OCIAD1: variants seen among roughly 807,000 people sequenced by gnomAD.
The protein encoded by OCIAD1 is OCIA domain-containing protein 1.
Under a neutral mutation model 38.9 loss-of-function variants are expected in OCIAD1, and 29 were observed. The observed-to-expected ratio is 0.74, with a 90% CI of 0.55 to 1.02. The LOEUF (loss-of-function observed/expected upper bound fraction) is 1.02, where lower values mean the gene tolerates loss of function less well. Ranked by LOEUF, OCIAD1 falls within the 50% of genes least tolerant of loss-of-function variation. The pLI is 0.00. For synonymous variants in OCIAD1, 110 were observed against 92.0 expected (o/e 1.20, Z -1.12); for missense variants, 288 against 289.6 (o/e 0.99, Z 0.04).
In OCIAD1 at chr4:48,832,691, C is replaced by A. The variant is rs754611198; in HGVS notation, c.58+9C>A. The A allele has an allele frequency of 4.4e-6, 7 of 1,598,758 alleles. No homozygotes were observed. The African/African-American group carries it at 6.7e-5, about 15-fold the overall frequency. ...TCCAAGACCAATTCCCCGTAACTAT[C>A]TATTAAGTATTTATAATTAGAAGCA... is the stretch of plus-strand genomic sequence containing the variant. On this transcript the variant is annotated intron_variant, in intron 2 of 8. Coordinates refer to ENST00000264312, the MANE Select transcript of OCIAD1 (RefSeq NM_017830.4).
intron 7 of OCIAD1, among the ~76,000 whole-genome samples, chr4:48,853,383 A>G (rs1335793906): frequency 6.6e-6 from 1 of 152,206 alleles, no homozygotes; most frequent in Non-Finnish European, 1.5e-5. Flanking sequence ...GATGGATATT[A>G]AGTAATATAA....
At chr4:48,840,208 G>C (rs1328389517) in intron 3 of OCIAD1, among the ~76,000 whole-genome samples, 1 of 152,212 alleles carries the variant, frequency 6.6e-6, no homozygotes, top group East Asian at 1.9e-4. Flanking sequence ...CTATTACTCT[G>C]CATTAAATGG....
chr4:48,860,884 G>T lies in OCIAD1; in HGVS notation c.*122G>T, dbSNP rs2109642268. ...AAACACATTTAAAACAAGATCCTGG[G>T]TTTTTGTGGTTTGACTTCTATGGTG... On this transcript the variant is annotated 3_prime_UTR_variant, in exon 9 of 9. Coordinates refer to ENST00000264312, the MANE Select transcript of OCIAD1 (RefSeq NM_017830.4). 2.7e-6 allele frequency: 2 copies of T among 741,814 alleles called. No individual in the cohort carries two copies. The highest frequency in any genetic ancestry group is 1.7e-5 in the South Asian group (1 of 60,128). The allele number at this position is 741,814 out of a possible 1,614,324, so 46.0% of individuals were successfully genotyped here.
intron 3 of OCIAD1, among the ~76,000 whole-genome samples, chr4:48,834,791 A>G (rs1194230957): frequency 6.6e-6 from 1 of 152,198 alleles, no homozygotes; most frequent in Non-Finnish European, 1.5e-5. Flanking sequence ...AAGAAAAGAA[A>G]AAAAGGGCAA....
intron 3 of OCIAD1, among the ~76,000 whole-genome samples, chr4:48,838,116 G>A (rs775437567): frequency 6.6e-6 from 1 of 152,048 alleles, no homozygotes; most frequent in Non-Finnish European, 1.5e-5. Flanking sequence ...TCAGGAGTTC[G>A]AGACCAGCCT....
intron 1 of OCIAD1, 139 bp downstream of exon 1, chr4:48,831,388 C>G: frequency 2.5e-6 from 2 of 807,522 alleles, no homozygotes; most frequent in African/African-American, 3.5e-5. Flanking sequence ...GTCTCGGCCT[C>G]CTGAGTGCCG....
chr4:48,858,834 GTTTCT>G lies in OCIAD1; in HGVS notation c.700+1473_700+1477del, dbSNP rs1463046079. ...CTTAAAGATGAATTTTTAAATCCTG[GTTTCT>G]TTTAAGTCTTTTTGGAATAGCTATA... On this transcript the variant is annotated intron_variant, in intron 8 of 8. Transcript: ENST00000264312. 2.6e-5 allele frequency among the ~76,000 whole-genome samples: 4 copies of G among 152,160 alleles called. No individual in the cohort carries two copies. The East Asian group carries it at 5.8e-4, about 22-fold the overall frequency.
chr4:48,845,254 C>G (rs938007785), intron 4 of OCIAD1, among the ~76,000 whole-genome samples: 1 of 152,144 alleles, frequency 6.6e-6, no homozygotes, highest in African/African-American at 2.4e-5. Context: ...CTTTTTACTT[C>G]GTTTAACCCA....
intron 1 of OCIAD1, among the ~76,000 whole-genome samples, chr4:48,814,124 G>C (rs1209782366): frequency 6.6e-6 from 1 of 151,966 alleles, no homozygotes; most frequent in Non-Finnish European, 1.5e-5. Context: ...AGTGGCAATA[G>C]AAAAGGCACA....
intron 8 of OCIAD1, among the ~76,000 whole-genome samples, 194 bp downstream of exon 8, chr4:48,857,559 C>T (rs1371352503): frequency 6.6e-5 from 10 of 150,938 alleles, no homozygotes; most frequent in South Asian, 2.1e-4. Flanking sequence ...CTTGCTCCGT[C>T]GCCAGGCTGG....
intron 1 of OCIAD1, among the ~76,000 whole-genome samples, chr4:48,810,592 C>A (rs1777077127): frequency 6.6e-6 from 1 of 151,464 alleles, no homozygotes; most frequent in South Asian, 2.1e-4. Context: ...TCACCAATGA[C>A]TACAATTTAT....
At chr4:48,810,313 C>CA (rs1777072113) in intron 1 of OCIAD1, among the ~76,000 whole-genome samples, 1 of 151,376 alleles carries the variant, frequency 6.6e-6, no homozygotes, top group South Asian at 2.1e-4. Flanking sequence ...ACTAAAAACA[C>CA]AAAAAATTAG....
intron 1 of OCIAD1, among the ~76,000 whole-genome samples, chr4:48,810,258 A>G (rs1404162654): frequency 6.6e-6 from 1 of 151,842 alleles, no homozygotes; most frequent in Non-Finnish European, 1.5e-5. Flanking sequence ...TCACGAGGTC[A>G]GGAGATCGAA....
upstream of OCIAD1, among the ~76,000 whole-genome samples, chr4:48,828,958 A>G (rs1777281335): frequency 2.0e-5 from 3 of 152,216 alleles, no homozygotes; most frequent in Non-Finnish European, 1.5e-5. Flanking sequence ...GTCAGGAAGC[A>G]AAGAAAAAGA....
At position 48,831,198 on chromosome 4, in the gene OCIAD1, T is replaced by C. The variant is rs1340074599; in HGVS notation, c.-57T>C. ...TCTCGAGTCCACCCTCCGGGCCTTC[T>C]GCCCCTGATCGCTTGGTTTTCCTTG... On this transcript the variant is annotated 5_prime_UTR_variant, in exon 1 of 9. Coordinates refer to ENST00000264312, the MANE Select transcript of OCIAD1 (RefSeq NM_017830.4). 9.0e-6 allele frequency: 3 copies of C among 334,904 alleles called. No individual in the cohort carries two copies. In the East Asian group the frequency reaches 2.4e-4, roughly 26 times the overall value. 20.7% of individuals were successfully genotyped at this position (334,904 alleles called of 1,614,324 possible).
At chr4:48,842,755 A>G in intron 4 of OCIAD1, 66 bp downstream of exon 4, 1 of 855,530 alleles carries the variant, frequency 1.2e-6, no homozygotes, top group Non-Finnish European at 1.8e-6. Flanking sequence ...GGTATTTTCC[A>G]GGTCTTTAGA....
At chr4:48,857,982 T>C (rs1408349175) in intron 8 of OCIAD1, among the ~76,000 whole-genome samples, 1 of 152,062 alleles carries the variant, frequency 6.6e-6, no homozygotes, top group African/African-American at 2.4e-5. Flanking sequence ...GGCGATACCT[T>C]GTCTCTACTA....
chr4:48,837,623 G>A (rs951260046), intron 3 of OCIAD1, among the ~76,000 whole-genome samples: 2 of 146,358 alleles, frequency 1.4e-5, no homozygotes, highest in Non-Finnish European at 3.0e-5. Context: ...GAACTTGGCT[G>A]TATACTCCAG....
At chr4:48,859,365 AT>A (rs1440907261) in intron 8 of OCIAD1, among the ~76,000 whole-genome samples, 3 of 152,150 alleles carry the variant, frequency 2.0e-5, no homozygotes, top group Non-Finnish European at 4.4e-5. Context: ...CTGCTAATTA[AT>A]TTGAGGATTT....
Sources: gnomAD v4.1 joint callset for allele counts (sites outside exome capture counted in the v4.1 genomes callset) on GRCh38, gnomAD v4.1.1 for gene constraint, MANE v1.5 for transcripts, NCBI Gene and HGNC (gene_info 2026-07-23, HGNC 2026-07-21) for gene names.